PCNX4: variants seen among roughly 807,000 people sequenced by gnomAD.
PCNX4 encodes pecanex 4, also known as pecanex-like protein 4.
A neutral mutation model predicts 107.2 loss-of-function variants in PCNX4; 103 were observed. The observed-to-expected ratio is 0.96, with a 90% CI of 0.82 to 1.13. The LOEUF (loss-of-function observed/expected upper bound fraction) is 1.13, where lower values mean the gene tolerates loss of function less well. Among genes scored for constraint, PCNX4 ranks in the 50% most tolerant of loss-of-function variants. The probability of loss-of-function intolerance (pLI) is 0.00; values close to 1 mark genes in which losing one functional copy is unlikely to be tolerated. For synonymous variants in PCNX4, 541 were observed against 481.7 expected, an observed-to-expected ratio of 1.12 and a Z score of -1.61; for missense variants, 1,528 against 1,379.4, an observed-to-expected ratio of 1.11 and a Z score of -1.71.
chr14:60,114,460 A>G (rs146498927), intron 2 of PCNX4, among the ~76,000 whole-genome samples: 1 of 152,328 alleles, frequency 6.6e-6, no homozygotes, highest in East Asian at 1.9e-4. Context: ...GAATTAACAT[A>G]TTCTCTAAAT....
intron 2 of PCNX4, among the ~76,000 whole-genome samples, chr14:60,113,270 G>C (rs160224): frequency 0.85 from 129,591 of 152,092 alleles, 55,645 homozygotes; most frequent in East Asian, 0.91. Context: ...ACATAAAATG[G>C]CGTTACTATA....
rs749582720 is a variant in PCNX4 at position 60,108,021 on chromosome 14, A to G, written c.383A>G (p.Lys128Arg). The G allele has an allele frequency of 4.3e-5, 69 of 1,612,750 alleles. No individual in the cohort carries two copies. In the Middle Eastern group the frequency reaches 6.6e-4, roughly 15 times the overall value. ...FTSCTGAETV[K>R]FLIPGKKYVA... ...AGTTGTACTGGTGCTGAGACTGTCA[A>G]ATTTCTCATTCCTGGCAAGAAATAT... Residue 128 changes from lysine to arginine, a missense_variant, in exon 2 of 11, where the codon AAA becomes AGA. Coordinates refer to ENST00000406854, the MANE Select transcript of PCNX4 (RefSeq NM_001330177.2).
chr14:60,092,930 C>A (rs1213088174), intron 1 of PCNX4, among the ~76,000 whole-genome samples: 1 of 152,198 alleles, frequency 6.6e-6, no homozygotes, highest in African/African-American at 2.4e-5. Context: ...CTGTATCCAT[C>A]ATTTTTCACT....
At chr14:60,113,074 G>T (rs1337596953) in intron 2 of PCNX4, among the ~76,000 whole-genome samples, 2 of 152,072 alleles carry the variant, frequency 1.3e-5, no homozygotes, top group Non-Finnish European at 2.9e-5. Context: ...CCCAGCTACT[G>T]GGGGGCTGAG....
chr14:60,116,625 G>A (rs309001), intron 6 of PCNX4, among the ~76,000 whole-genome samples: 39,213 of 151,972 alleles, frequency 0.26, 7,398 homozygotes, highest in African/African-American at 0.53. Flanking sequence ...ACAGTATGCA[G>A]TACTTGACAA....
chr14:60,129,536 G>A (rs966979220), intron 10 of PCNX4, among the ~76,000 whole-genome samples: 29 of 152,286 alleles, frequency 1.9e-4, no homozygotes, highest in African/African-American at 4.6e-4. Flanking sequence ...CTAGGTGATG[G>A]AGCAAGACCC....
Position 60,107,904 on chromosome 14 carries a change from T to C in PCNX4, c.266T>C (p.Phe89Ser). Residue 89 changes from phenylalanine (F) to serine (S), a missense_variant, in exon 2 of 11, where the codon TTC becomes TCC. Phe to Ser is a radical substitution (Grantham distance 155). Coordinates refer to ENST00000406854, the MANE Select transcript of PCNX4 (RefSeq NM_001330177.2). Reference sequence around the variant, plus strand: ...CTTTTTACTGCATTTGTCATCCAGTTCACAAGTTTATACGCCAAAAACAAA... The same window carrying C: ...CTTTTTACTGCATTTGTCATCCAGTCCACAAGTTTATACGCCAAAAACAAA... ...LMLFTAFVIQFTSLYAKNKST... is the reference protein window; with the variant it reads ...LMLFTAFVIQSTSLYAKNKST... 1 of 1,612,904 alleles carries C rather than the reference T, an allele frequency of 6.2e-7. No homozygotes were observed. The highest frequency in any genetic ancestry group is 8.5e-7 in the Non-Finnish European group (1 of 1,179,898).
At chr14:60,111,473 G>A (rs1032658628) in intron 2 of PCNX4, among the ~76,000 whole-genome samples, 3 of 152,064 alleles carry the variant, frequency 2.0e-5, no homozygotes, top group Non-Finnish European at 4.4e-5. Context: ...TGAAAAGTTA[G>A]CATTAAAATT....
intron 1 of PCNX4, among the ~76,000 whole-genome samples, chr14:60,101,690 C>A (rs1895535076): frequency 1.5e-5 from 1 of 66,330 alleles, no homozygotes; most frequent in South Asian, 3.7e-4. Context: ...GGAGGTTTCT[C>A]AAAATATAAA....
chr14:60,125,937 A>G (rs1595177067), intron 10 of PCNX4, 114 bp downstream of exon 10: 1 of 718,558 alleles, frequency 1.4e-6, no homozygotes, highest in East Asian at 3.3e-5. Context: ...TGATATATTA[A>G]TTATAGTTTT....
rs1289847288 is a variant in PCNX4, at chr14:60,107,973, A to G, written c.335A>G (p.Glu112Gly). 3.1e-6 allele frequency: 5 copies of G among 1,612,872 alleles called. No individual in the cohort carries two copies. Among genetic ancestry groups the G allele is most frequent in the Admixed American group, 3.3e-5 (2 of 60,024 alleles). Residue 112 changes from glutamate (E) to glycine (G), a missense_variant, in exon 2 of 11, where the codon GAG (glutamate) becomes GGG (glycine). Physicochemically the swap from Glu to Gly is moderately conservative, Grantham distance 98 (BLOSUM62 -2). Transcript: ENST00000406854. ...ERILTTDILA[E>G]EDEHEFTSCT... ...ATACTAACCACGGATATCTTAGCAG[A>G]GGAGGATGAGCATGAATTTACCAGT...
rs182666685 is a variant in PCNX4 at position 60,097,843 on chromosome 14, A to G, written c.-54+5424A>G. 2.0e-4 allele frequency among the ~76,000 whole-genome samples: 31 copies of G among 152,262 alleles called. No individual in the cohort carries two copies. The East Asian group carries it at 5.8e-3, about 28-fold the overall frequency. On this transcript the variant is annotated intron_variant, in intron 1 of 10. Transcript: ENST00000406854. ...ACTCATGACCATTTCACACACAACT[A>G]CCCAAAAACATCTACAGTGTTATTT...
chr14:60,117,902 A>G (rs1895880888), intron 6 of PCNX4, among the ~76,000 whole-genome samples: 1 of 152,066 alleles, frequency 6.6e-6, no homozygotes, highest in African/African-American at 2.4e-5. Context: ...TATTGAAGCC[A>G]TCTGAGCCTC....
chr14:60,102,446 A>G lies in PCNX4; in HGVS notation c.-53-5140A>G, dbSNP rs185844682. Among the ~76,000 whole-genome samples the G allele has an allele frequency of 9.1e-4, 139 of 152,280 alleles. 1 individual carries two copies. Among genetic ancestry groups the G allele is most frequent in the African/African-American group, 3.2e-3 (132 of 41,572 alleles). ...TTTAACAGATTTTTAGTATGGTGTTATATATGTCTGAGTTACATACAGTTT... is the reference window on the plus strand; with the variant it reads ...TTTAACAGATTTTTAGTATGGTGTTGTATATGTCTGAGTTACATACAGTTT... On this transcript the variant is annotated intron_variant, in intron 1 of 10. Coordinates refer to ENST00000406854, the MANE Select transcript of PCNX4 (RefSeq NM_001330177.2).
Position 60,107,791 on chromosome 14 carries a change from A to T in PCNX4, c.153A>T (p.Pro51=), listed in dbSNP as rs761185575. The T allele has an allele frequency of 6.2e-7, 1 of 1,612,678 alleles. No homozygotes were observed. The highest frequency in any genetic ancestry group is 1.7e-5 in the Admixed American group (1 of 59,990). ...YVNQIILFLM[P]WVWGGVGTLL... is the part of the protein sequence containing the mutation. Reference sequence around the variant, plus strand: ...ATCAAATTATTCTTTTTCTAATGCCATGGGTTTGGGGTGGAGTCGGAACAC... The same window carrying T: ...ATCAAATTATTCTTTTTCTAATGCCTTGGGTTTGGGGTGGAGTCGGAACAC... The change falls in exon 2 of 11, where the codon CCA becomes CCT. Residue 51 remains proline (P), a synonymous_variant. Transcript: ENST00000406854.
At chr14:60,093,392 T>C (rs1046001225) in intron 1 of PCNX4, among the ~76,000 whole-genome samples, 2 of 152,222 alleles carry the variant, frequency 1.3e-5, no homozygotes, top group Non-Finnish European at 2.9e-5. Context: ...AAGCAATTAC[T>C]AATCTGTTTT....
rs1179551136 is a variant in PCNX4, at chr14:60,137,191, C to A, written c.*2970C>A. 1 of 152,184 alleles carries A rather than the reference C, an allele frequency of 6.6e-6. No individual in the cohort carries two copies. Among genetic ancestry groups the A allele is most frequent in the Non-Finnish European group, 1.5e-5 (1 of 68,036 alleles). 9.4% of individuals were successfully genotyped at this position (152,184 alleles called of 1,614,324 possible). On this transcript the variant is annotated 3_prime_UTR_variant, in exon 11 of 11. Coordinates refer to ENST00000406854, the MANE Select transcript of PCNX4 (RefSeq NM_001330177.2). ...AGACCTGAGCTCAGCATTTGGGCTGCTTTTCTTATAGGAGACATGCCAATT... is the reference window on the plus strand; with the variant it reads ...AGACCTGAGCTCAGCATTTGGGCTGATTTTCTTATAGGAGACATGCCAATT...
intron 10 of PCNX4, among the ~76,000 whole-genome samples, chr14:60,127,805 G>A (rs1032443787): frequency 6.6e-6 from 1 of 152,164 alleles, no homozygotes; most frequent in South Asian, 2.1e-4. Flanking sequence ...ACAGATGTCA[G>A]ATTTAATAAA....
At chr14:60,095,122 C>G (rs188917840) in intron 1 of PCNX4, among the ~76,000 whole-genome samples, 1 of 152,092 alleles carries the variant, frequency 6.6e-6, no homozygotes, top group Admixed American at 6.6e-5. Flanking sequence ...TGTCTTTCTT[C>G]GAAGATGATT....
Sources: allele counts gnomAD v4.1 joint callset (sites outside exome capture counted in the v4.1 genomes callset), GRCh38; gene constraint gnomAD v4.1.1; transcripts MANE v1.5; gene names NCBI Gene and HGNC (gene_info 2026-07-23, HGNC 2026-07-21).